NEBL: variants seen among roughly 807,000 people sequenced by gnomAD.
NEBL encodes nebulette, also known as LIM and SH3 protein 2.
In NEBL, 122 loss-of-function variants were observed where a neutral mutation model predicts 140.2. That is an observed-to-expected ratio of 0.87 (90% CI 0.75 to 1.01). The LOEUF is 1.01. Among genes scored for constraint, NEBL ranks in the 50% least tolerant of loss-of-function variants. The pLI is 0.00. For missense variants in NEBL, 1,365 were observed against 1,231.3 expected, an observed-to-expected ratio of 1.11 and a Z score of -1.62; for synonymous variants, 436 against 398.9, an observed-to-expected ratio of 1.09 and a Z score of -1.11.
At chr10:21,028,888 G>T (rs1833654350) in intron 2 of NEBL, 2 of 404,062 alleles carry the variant, frequency 4.9e-6, no homozygotes, top group Non-Finnish European at 8.8e-6. Context: ...GGCAATACTT[G>T]CCAGCTAAAA....
intron 2 of NEBL, among the ~76,000 whole-genome samples, chr10:21,151,834 A>G (rs1339090202): frequency 6.6e-6 from 1 of 152,170 alleles, no homozygotes; most frequent in Non-Finnish European, 1.5e-5. Context: ...TGCCCAACCA[A>G]GTGAAACTTA....
chr10:21,239,948 A>G (rs925983611), intron 3 of NEBL, among the ~76,000 whole-genome samples: 33 of 151,966 alleles, frequency 2.2e-4, no homozygotes, highest in Admixed American at 7.9e-4. Flanking sequence ...CCCGGGAGGC[A>G]GAGCTTGCAG....
chr10:21,123,901 C>CT (rs943374693), intron 2 of NEBL, among the ~76,000 whole-genome samples: 64 of 141,844 alleles, frequency 4.5e-4, no homozygotes, highest in Middle Eastern at 3.5e-3. Flanking sequence ...CATGTAAGTT[C>CT]TTTTTTTTTT....
In NEBL at chr10:20,880,785, C is replaced by T. The variant is rs2131315618; in HGVS notation, c.480+9G>A. 1 of 1,588,766 alleles carries T rather than the reference C, an allele frequency of 6.3e-7. No individual in the cohort carries two copies. ...TCGCTAGAAAATCATGAGAAATGCG[C>T]TTCCTTACATTACTCTGGTGTTTAT... On this transcript the variant is annotated intron_variant, in intron 5 of 27. Coordinates refer to ENST00000377122, the MANE Select transcript of NEBL (RefSeq NM_006393.3).
Position 20,870,325 on chromosome 10 carries a change from C to CAAAA in NEBL, c.481-488_481-485dup, listed in dbSNP as rs35138107. 3.4e-3 allele frequency among the ~76,000 whole-genome samples: 370 copies of CAAAA among 107,818 alleles called. 2 individuals are homozygous for CAAAA. Among genetic ancestry groups the CAAAA allele is most frequent in the African/African-American group, 0.012 (335 of 27,352 alleles). The allele number at this position is 107,818 out of a possible 152,430, so 70.7% of individuals were successfully genotyped here. Reference sequence around the variant, plus strand: ...TGGGCAAAAGAGTGGGACTTTATCTCAAAAAAAAAAAAAAAAAAAACTTGA... The same window carrying CAAAA: ...TGGGCAAAAGAGTGGGACTTTATCTCAAAAAAAAAAAAAAAAAAAAAAAACTTGA... On this transcript the variant is annotated intron_variant, in intron 5 of 27. Coordinates refer to ENST00000377122, the MANE Select transcript of NEBL (RefSeq NM_006393.3).
intron 4 of NEBL, among the ~76,000 whole-genome samples, chr10:20,961,128 C>T (rs1462511923): frequency 1.3e-5 from 2 of 152,134 alleles, no homozygotes; most frequent in African/African-American, 4.8e-5. Context: ...CTCCCTAATA[C>T]ATTTTGAACT....
intron 2 of NEBL, among the ~76,000 whole-genome samples, chr10:21,136,122 T>C (rs914620294): frequency 6.6e-6 from 1 of 152,130 alleles, no homozygotes; most frequent in Admixed American, 6.5e-5. Flanking sequence ...CAGTGGAAGA[T>C]ACTCTAACCC....
intron 3 of NEBL, among the ~76,000 whole-genome samples, chr10:20,993,520 T>C (rs1837550782): frequency 6.6e-6 from 1 of 152,146 alleles, no homozygotes; most frequent in Non-Finnish European, 1.5e-5. Flanking sequence ...GTCTACTTAG[T>C]TTTAGGTTTC....
At chr10:21,240,116 T>C (rs1368120839) in intron 3 of NEBL, among the ~76,000 whole-genome samples, 1 of 152,182 alleles carries the variant, frequency 6.6e-6, no homozygotes, top group Non-Finnish European at 1.5e-5. Context: ...CCTAACAACC[T>C]GTACATAGCT....
chr10:21,109,307 A>G (rs1043578896), intron 2 of NEBL, among the ~76,000 whole-genome samples: 2 of 152,080 alleles, frequency 1.3e-5, no homozygotes, highest in Admixed American at 6.6e-5. Flanking sequence ...ATGTTTATTG[A>G]TTTGCGTATG....
At chr10:20,992,494 G>T (rs1398285772) in intron 3 of NEBL, among the ~76,000 whole-genome samples, 3 of 152,136 alleles carry the variant, frequency 2.0e-5, no homozygotes, top group Non-Finnish European at 4.4e-5. Context: ...GCTCAAGGGT[G>T]GCACAGGCCC....
chr10:21,261,773 GT>G (rs1192328295), intron 1 of NEBL, among the ~76,000 whole-genome samples: 1 of 152,154 alleles, frequency 6.6e-6, no homozygotes, highest in African/African-American at 2.4e-5. Flanking sequence ...TGATAGACTT[GT>G]TTTTATCCTA....
chr10:20,997,000 GTTAT>G lies in NEBL; in HGVS notation c.249+23113_249+23116del, dbSNP rs143619885. ...ATCATACATAATCTATAAAATGTGG[GTTAT>G]TTATCCATAATCATAAACATTTAGT... On this transcript the variant is annotated intron_variant, in intron 3 of 6. Coordinates refer to the NEBL transcript ENST00000417816. Among the ~76,000 whole-genome samples the G allele has an allele frequency of 9.8e-3, 1,488 of 152,168 alleles. 24 individuals are homozygous for G. The highest frequency in any genetic ancestry group is 0.032 in the African/African-American group (1,326 of 41,510).
chr10:21,078,970 T>C (rs1564503488), intron 2 of NEBL, among the ~76,000 whole-genome samples: 1 of 152,352 alleles, frequency 6.6e-6, no homozygotes, highest in African/African-American at 2.4e-5. Context: ...AAGAACTTCA[T>C]TAAGCCCTGA....
chr10:20,905,392 C>T (rs905544246), intron 4 of NEBL, among the ~76,000 whole-genome samples: 1 of 152,116 alleles, frequency 6.6e-6, no homozygotes, highest in Non-Finnish European at 1.5e-5. Flanking sequence ...AGGAAACATA[C>T]AATCATGGCA....
intron 22 of NEBL, among the ~76,000 whole-genome samples, chr10:20,814,641 A>ACACACACACAC (rs1838541173): frequency 6.4e-5 from 6 of 93,482 alleles, no homozygotes; most frequent in Admixed American, 1.9e-4. Context: ...CACACACACA[A>ACACACACACAC]CTGGTTATCA....
intron 2 of NEBL, among the ~76,000 whole-genome samples, chr10:21,037,741 A>C (rs1311956604): frequency 1.3e-5 from 2 of 152,218 alleles, no homozygotes; most frequent in South Asian, 4.1e-4. Flanking sequence ...GAAATAAAAT[A>C]GTCAACAGAG....
At position 21,050,547 on chromosome 10, in the gene NEBL, G is replaced by C. The variant is rs116403433; in HGVS notation, c.165-30346C>G. 9.2e-3 allele frequency among the ~76,000 whole-genome samples: 1,396 copies of C among 152,284 alleles called. 45 individuals carry two copies. The East Asian group carries it at 0.098, about 11-fold the overall frequency. On this transcript the variant is annotated intron_variant, in intron 2 of 6. Coordinates refer to the NEBL transcript ENST00000417816. ...AAAGAAGCAGATGTCACTGCAGTAC[G>C]GGGAGAAGCATGAGAACAATGAACC...
At chr10:20,957,244 C>G in intron 4 of NEBL, among the ~76,000 whole-genome samples, 1 of 152,102 alleles carries the variant, frequency 6.6e-6, no homozygotes, top group Non-Finnish European at 1.5e-5. Context: ...TCAGCAGTAT[C>G]CGTGTGAGCT....
Sources: allele counts gnomAD v4.1 joint callset (sites outside exome capture counted in the v4.1 genomes callset), GRCh38; gene constraint gnomAD v4.1.1; transcripts MANE v1.5; gene names NCBI Gene and HGNC (gene_info 2026-07-23, HGNC 2026-07-21).